The following HECW1 variants were observed in gnomAD, a reference collection of about 807,000 sequenced individuals.
HECW1 encodes the protein HECT, C2 and WW domain containing E3 ubiquitin protein ligase 1, also known as E3 ubiquitin-protein ligase HECW1.
HECW1 carries 61 observed loss-of-function variants against 182.3 expected under a neutral mutation model. The ratio of observed to expected loss-of-function variants is 0.33; its 90% CI spans 0.27 to 0.41. HECW1 has a LOEUF of 0.41. Among genes scored for constraint, HECW1 ranks in the 10% least tolerant of loss-of-function variants. The pLI is 1.00. For missense variants in HECW1, 1,739 were observed against 2,108.9 expected (o/e 0.82, Z 3.44); for synonymous variants, 859 against 832.6 (o/e 1.03, Z -0.55).
intron 6 of HECW1, among the ~76,000 whole-genome samples, chr7:43,377,620 T>C (rs941680851): frequency 2.6e-5 from 4 of 152,216 alleles, no homozygotes; most frequent in African/African-American, 9.6e-5. Flanking sequence ...AATCCTTGCA[T>C]ATGAATGCAC....
At chr7:43,167,335 C>T (rs966620882) in intron 2 of HECW1, among the ~76,000 whole-genome samples, 1 of 152,156 alleles carries the variant, frequency 6.6e-6, no homozygotes, top group Non-Finnish European at 1.5e-5. Context: ...GAATACTAGT[C>T]ATTGCACTTA....
At chr7:43,443,211 C>T (rs1372777652) in intron 10 of HECW1, among the ~76,000 whole-genome samples, 1 of 152,152 alleles carries the variant, frequency 6.6e-6, no homozygotes, top group Non-Finnish European at 1.5e-5. Flanking sequence ...TCTGCAGCCC[C>T]CATACATCTC....
At chr7:43,249,947 A>G (rs1166869397) in intron 3 of HECW1, among the ~76,000 whole-genome samples, 1 of 152,118 alleles carries the variant, frequency 6.6e-6, no homozygotes, top group Admixed American at 6.6e-5. Flanking sequence ...ATAGCACGGT[A>G]TGTCAGCAGA....
intron 5 of HECW1, among the ~76,000 whole-genome samples, chr7:43,336,955 T>A (rs1812368234): frequency 6.6e-6 from 1 of 152,218 alleles, no homozygotes; most frequent in Admixed American, 6.5e-5. Flanking sequence ...TTGGTGACAC[T>A]TAGGTTGGTT....
intron 2 of HECW1, among the ~76,000 whole-genome samples, chr7:43,210,147 A>ATGGGG (rs1795876093): frequency 6.6e-6 from 1 of 152,114 alleles, no homozygotes; most frequent in African/African-American, 2.4e-5. Context: ...CTTCCCACAG[A>ATGGGG]AGGATCCCTG....
At chr7:43,206,755 A>G (rs996959863) in intron 2 of HECW1, among the ~76,000 whole-genome samples, 5 of 152,170 alleles carry the variant, frequency 3.3e-5, no homozygotes, top group Admixed American at 3.3e-4. Flanking sequence ...AGTGAATCAA[A>G]ATGTTTGCCA....
At chr7:43,277,276 A>G (rs959501578) in intron 3 of HECW1, among the ~76,000 whole-genome samples, 1 of 152,160 alleles carries the variant, frequency 6.6e-6, no homozygotes, top group African/African-American at 2.4e-5. Flanking sequence ...ACTGACTCCC[A>G]CTGCCACCTG....
intron 5 of HECW1, among the ~76,000 whole-genome samples, chr7:43,341,634 A>C (rs1292657749): frequency 6.6e-6 from 1 of 151,816 alleles, no homozygotes; most frequent in African/African-American, 2.4e-5. Context: ...GAAATTCTTA[A>C]AAATACAAAC....
chr7:43,363,797 T>A (rs561245864), intron 6 of HECW1, among the ~76,000 whole-genome samples: 6 of 152,198 alleles, frequency 3.9e-5, no homozygotes, highest in Non-Finnish European at 7.3e-5. Flanking sequence ...GCCCAGCACA[T>A]CTGTGGAGAG....
At chr7:43,406,129 G>C (rs975613728) in intron 7 of HECW1, among the ~76,000 whole-genome samples, 1 of 152,200 alleles carries the variant, frequency 6.6e-6, no homozygotes, top group Non-Finnish European at 1.5e-5. Flanking sequence ...GCCTTTCATT[G>C]TCTTGCACAG....
intron 2 of HECW1, among the ~76,000 whole-genome samples, chr7:43,125,643 A>T (rs1583595158): frequency 6.6e-6 from 1 of 150,966 alleles, no homozygotes; most frequent in South Asian, 2.1e-4. Flanking sequence ...CTGTAATCCC[A>T]GCTACTTGGG....
intron 4 of HECW1, among the ~76,000 whole-genome samples, chr7:43,318,564 A>T (rs745498244): frequency 1.3e-5 from 2 of 152,240 alleles, no homozygotes; most frequent in Non-Finnish European, 2.9e-5. Flanking sequence ...CTTACCAGTT[A>T]TCTCATTTAG....
At chr7:43,135,602 T>C (rs1161588422) in intron 2 of HECW1, among the ~76,000 whole-genome samples, 2 of 152,226 alleles carry the variant, frequency 1.3e-5, no homozygotes, top group African/African-American at 4.8e-5. Flanking sequence ...ATAACTTCTC[T>C]GATAAGCCAA....
chr7:43,398,239 AGAGT>A (rs1313841549), intron 7 of HECW1, among the ~76,000 whole-genome samples: 5 of 152,234 alleles, frequency 3.3e-5, no homozygotes, highest in Non-Finnish European at 7.3e-5. Flanking sequence ...CCTAAGCAAC[AGAGT>A]GAGACTCCAT....
At chr7:43,127,088 T>C (rs934277370) in intron 2 of HECW1, among the ~76,000 whole-genome samples, 2 of 152,164 alleles carry the variant, frequency 1.3e-5, no homozygotes, top group African/African-American at 4.8e-5. Context: ...TGATCAAGCT[T>C]AGTGAGGACG....
chr7:43,113,308 C>T (rs1784780887), intron 1 of HECW1, among the ~76,000 whole-genome samples: 1 of 152,124 alleles, frequency 6.6e-6, no homozygotes, highest in South Asian at 2.1e-4. Flanking sequence ...CCTACGTAAT[C>T]CCCCTTCCCA....
chr7:43,398,486 C>T (rs1466789504), intron 7 of HECW1, among the ~76,000 whole-genome samples: 1 of 152,130 alleles, frequency 6.6e-6, no homozygotes, highest in Non-Finnish European at 1.5e-5. Flanking sequence ...CCAGAGGTCA[C>T]AGGCATGAAG....
intron 19 of HECW1, among the ~76,000 whole-genome samples, chr7:43,497,955 C>T (rs1390938164): frequency 6.6e-6 from 1 of 152,166 alleles, no homozygotes; most frequent in Admixed American, 6.5e-5. Flanking sequence ...GTCAAGGAGG[C>T]AGTCGCCTGT....
intron 6 of HECW1, among the ~76,000 whole-genome samples, chr7:43,391,927 T>C (rs2075044760): frequency 6.6e-6 from 1 of 152,204 alleles, no homozygotes; most frequent in Non-Finnish European, 1.5e-5. Flanking sequence ...CTTTGAGGCC[T>C]ATCTGATTAT....
Sources: gnomAD v4.1 joint callset for allele counts (sites outside exome capture counted in the v4.1 genomes callset) on GRCh38, gnomAD v4.1.1 for gene constraint, MANE v1.5 for transcripts, NCBI Gene and HGNC (gene_info 2026-07-23, HGNC 2026-07-21) for gene names.